The following PPP1R14C variants were observed in gnomAD, a reference collection of about 807,000 sequenced individuals.
PPP1R14C encodes the protein protein phosphatase 1 regulatory inhibitor subunit 14C, also known as protein phosphatase 1 regulatory subunit 14C.
Under a neutral mutation model 20.4 loss-of-function variants are expected in PPP1R14C, and 16 were observed. The observed-to-expected ratio is 0.78, with a 90% CI of 0.53 to 1.19. PPP1R14C has a LOEUF of 1.19. Ranked by LOEUF, PPP1R14C falls within the 50% of genes most tolerant of loss-of-function variation. The pLI, the probability that PPP1R14C is intolerant of heterozygous loss-of-function variation, is 0.00. For missense variants in PPP1R14C, 211 were observed against 220.1 expected, an observed-to-expected ratio of 0.96 and a Z score of 0.26; for synonymous variants, 91 against 91.0, an observed-to-expected ratio of 1.00 and a Z score of 0.00.
intron 1 of PPP1R14C, among the ~76,000 whole-genome samples, chr6:150,149,848 G>A (rs184364856): frequency 6.6e-6 from 1 of 152,292 alleles, no homozygotes; most frequent in East Asian, 1.9e-4. Flanking sequence ...AGGGTCAGGG[G>A]TGTTGGTGTA....
intron 1 of PPP1R14C, among the ~76,000 whole-genome samples, chr6:150,206,878 T>G (rs1375666447): frequency 6.6e-6 from 1 of 151,870 alleles, no homozygotes; most frequent in Non-Finnish European, 1.5e-5. Flanking sequence ...TTTTGTTTTT[T>G]TTTTGCGACA....
chr6:150,146,339 G>A (rs1037073664), intron 1 of PPP1R14C, among the ~76,000 whole-genome samples: 5 of 152,338 alleles, frequency 3.3e-5, no homozygotes, highest in Non-Finnish European at 7.4e-5. Flanking sequence ...TACCGTGCAA[G>A]AGAGCAAATG....
chr6:150,239,725 A>G (rs144426123), intron 3 of PPP1R14C, among the ~76,000 whole-genome samples: 16 of 152,312 alleles, frequency 1.1e-4, no homozygotes, highest in Middle Eastern at 3.4e-3. Flanking sequence ...AGGAAATAAT[A>G]AAGATAAAAG....
chr6:150,213,998 C>T (rs1408793302), intron 1 of PPP1R14C, among the ~76,000 whole-genome samples: 1 of 152,230 alleles, frequency 6.6e-6, no homozygotes, highest in Non-Finnish European at 1.5e-5. Flanking sequence ...TCATCCAAAA[C>T]AGCCTTTCTT....
chr6:150,171,341 C>T (rs1777496834), intron 1 of PPP1R14C, among the ~76,000 whole-genome samples: 1 of 152,170 alleles, frequency 6.6e-6, no homozygotes, highest in Non-Finnish European at 1.5e-5. Context: ...ATTGTACATA[C>T]CTAATATCTT....
chr6:150,207,622 A>G (rs756915619), intron 1 of PPP1R14C, among the ~76,000 whole-genome samples: 1 of 152,268 alleles, frequency 6.6e-6, no homozygotes, highest in Non-Finnish European at 1.5e-5. Context: ...ACTCCTTCCC[A>G]AAACAGGATA....
intron 1 of PPP1R14C, among the ~76,000 whole-genome samples, chr6:150,167,586 T>G (rs1478493467): frequency 1.3e-5 from 2 of 152,148 alleles, no homozygotes; most frequent in Non-Finnish European, 2.9e-5. Flanking sequence ...CTGCTAGGTA[T>G]ACGTTCTGGG....
intron 1 of PPP1R14C, among the ~76,000 whole-genome samples, chr6:150,174,346 A>C (rs1176835207): frequency 6.6e-6 from 1 of 151,908 alleles, no homozygotes; most frequent in Non-Finnish European, 1.5e-5. Context: ...CAGCCTCCTG[A>C]GTAGCTGGGA....
intron 1 of PPP1R14C, among the ~76,000 whole-genome samples, chr6:150,162,392 C>T (rs141536418): frequency 1.9e-3 from 291 of 152,280 alleles, no homozygotes; most frequent in African/African-American, 6.5e-3. Context: ...TGATCTCTTT[C>T]CTATTGCTAT....
chr6:150,185,903 C>A lies in PPP1R14C; in HGVS notation c.307-28841C>A, dbSNP rs1304221295. ...CAAGGCAGGCAAGGGTCAGGCGTGG[C>A]ACCTATCGGCTCCTAAAGCCTCTAC... On this transcript the variant is annotated intron_variant, in intron 1 of 3. Transcript: ENST00000361131. This position sits in a 1 kb window ranked among gnomAD's most constrained non-coding sequence, Gnocchi z 4.1. Among the ~76,000 whole-genome samples, 1 of 152,168 alleles carries A rather than the reference C, an allele frequency of 6.6e-6. No individual in the cohort carries two copies. Among genetic ancestry groups the A allele is most frequent in the Non-Finnish European group, 1.5e-5 (1 of 68,024 alleles).
chr6:150,228,195 A>AG (rs1250713275), intron 3 of PPP1R14C, among the ~76,000 whole-genome samples: 2 of 152,230 alleles, frequency 1.3e-5, no homozygotes, highest in Admixed American at 6.5e-5. Flanking sequence ...CATGAAGCAA[A>AG]ACTCTGCATT....
chr6:150,210,172 C>T (rs900716735), intron 1 of PPP1R14C, among the ~76,000 whole-genome samples: 5 of 152,126 alleles, frequency 3.3e-5, no homozygotes, highest in African/African-American at 7.2e-5. Flanking sequence ...AGTGGCAATG[C>T]GGAGTCCCAC....
chr6:150,191,518 C>T lies in PPP1R14C; in HGVS notation c.307-23226C>T, dbSNP rs969702108. Among the ~76,000 whole-genome samples, 8 of 152,176 alleles carry T rather than the reference C, an allele frequency of 5.3e-5. No homozygotes were observed. The East Asian group carries it at 7.7e-4, about 15-fold the overall frequency. ...ATGTGTGTATGTCTCTCAGAGCATC[C>T]GCAGCAGTGTGACAGAGGGCAAGGA... is the stretch of plus-strand genomic sequence containing the variant. On this transcript the variant is annotated intron_variant, in intron 1 of 3. Coordinates refer to ENST00000361131, the MANE Select transcript of PPP1R14C (RefSeq NM_030949.3).
intron 1 of PPP1R14C, among the ~76,000 whole-genome samples, chr6:150,166,650 T>C (rs1443928555): frequency 6.6e-6 from 1 of 152,156 alleles, no homozygotes; most frequent in Non-Finnish European, 1.5e-5. Flanking sequence ...TGGCTGCAGT[T>C]TGAGCTGCTC....
rs192604404 is a variant in PPP1R14C, at chr6:150,168,401, C to T, written c.306+24903C>T. Among the ~76,000 whole-genome samples the T allele has an allele frequency of 7.0e-3, 1,067 of 151,780 alleles. 26 individuals carry two copies. The highest frequency in any genetic ancestry group is 0.044 in the Admixed American group (674 of 15,262). On this transcript the variant is annotated intron_variant, in intron 1 of 3. Transcript: ENST00000361131. ...AATACAGATTACCTGGGCGTAGTGG[C>T]GGGCGCCTGTAGTCCCAGCTACTTG...
chr6:150,151,927 C>T (rs1777252500), intron 1 of PPP1R14C, among the ~76,000 whole-genome samples: 1 of 151,688 alleles, frequency 6.6e-6, no homozygotes, highest in South Asian at 2.1e-4. Context: ...GAGACCATCC[C>T]GGCTAAAAAG....
intron 3 of PPP1R14C, among the ~76,000 whole-genome samples, chr6:150,221,901 C>T (rs1361522542): frequency 3.3e-5 from 5 of 152,256 alleles, no homozygotes; most frequent in East Asian, 1.9e-4. Flanking sequence ...TGGGCTCAAG[C>T]GATCCTCCTG....
chr6:150,249,379 C>T lies in PPP1R14C; in HGVS notation c.*559C>T, dbSNP rs1412243049. 1 of 398,774 alleles carries T rather than the reference C, an allele frequency of 2.5e-6. No individual in the cohort carries two copies. Among genetic ancestry groups the T allele is most frequent in the Non-Finnish European group, 4.4e-6 (1 of 226,090 alleles). The allele number at this position is 398,774 out of a possible 1,614,324, so 24.7% of individuals were successfully genotyped here. A position where few individuals can be genotyped will look rare whatever the true frequency, so the allele number is the denominator to read the frequency against. On this transcript the variant is annotated 3_prime_UTR_variant, in exon 4 of 4. Transcript: ENST00000361131. ...TTTCAAGAGGCCACTAGGCATTCTT[C>T]ACTGAGTGCTGCTGACTTCAACGTT...
chr6:150,198,374 C>T (rs571474545), intron 1 of PPP1R14C, among the ~76,000 whole-genome samples: 15 of 152,342 alleles, frequency 9.8e-5, no homozygotes, highest in African/African-American at 3.6e-4. Context: ...CCTGGATGCC[C>T]GGCTTTGTGT....
Sources: allele counts gnomAD v4.1 joint callset (sites outside exome capture counted in the v4.1 genomes callset), GRCh38; gene constraint gnomAD v4.1.1; non-coding constraint Gnocchi (gnomAD v3.1); transcripts MANE v1.5; gene names NCBI Gene and HGNC (gene_info 2026-07-23, HGNC 2026-07-21).